Variants in FN3K observed in about 807,000 individuals in gnomAD.
The protein encoded by FN3K is fructosamine-3-kinase.
In FN3K, 24 loss-of-function variants were observed where a neutral mutation model predicts 24.8. That is an observed-to-expected ratio of 0.97 (90% CI 0.70 to 1.36). The LOEUF (loss-of-function observed/expected upper bound fraction) is 1.36. FN3K is among the 40% of genes most tolerant of loss of function. The pLI, the probability that FN3K is intolerant of heterozygous loss-of-function variation, is 0.00. For synonymous variants in FN3K, 192 were observed against 175.2 expected (o/e 1.10, Z -0.76); for missense variants, 449 against 416.7 (o/e 1.08, Z -0.67).
At chr17:82,744,968 C>G (rs972571151) in intron 4 of FN3K, 1 of 152,216 alleles carries the variant, frequency 6.6e-6, no homozygotes, top group East Asian at 1.9e-4. Context: ...GGTTTTATAC[C>G]GAGACATTCC....
chr17:82,746,539 G>A (rs990888637), intron 4 of FN3K, among the ~76,000 whole-genome samples: 8 of 152,028 alleles, frequency 5.3e-5, no homozygotes, highest in African/African-American at 1.4e-4. Flanking sequence ...GGTGGCTCGC[G>A]CCTGTAATCC....
At chr17:82,742,120 G>C (rs1233002227) in intron 4 of FN3K, among the ~76,000 whole-genome samples, 1 of 152,114 alleles carries the variant, frequency 6.6e-6, no homozygotes, top group South Asian at 2.1e-4. Context: ...GACCAGGCTG[G>C]TCTCGAACTC....
intron 1 of FN3K, among the ~76,000 whole-genome samples, chr17:82,737,549 C>T (rs1039995951): frequency 6.6e-6 from 1 of 152,152 alleles, no homozygotes; most frequent in African/African-American, 2.4e-5. Flanking sequence ...GTCTCAATCT[C>T]CTGACCTTGT....
chr17:82,740,356 T>A (rs2046934251), intron 2 of FN3K, among the ~76,000 whole-genome samples: 1 of 138,548 alleles, frequency 7.2e-6, no homozygotes, highest in Non-Finnish European at 1.5e-5. Context: ...GTGCTGGGCG[T>A]GGTGGTTCAC....
rs1568073252 is a variant in FN3K, at chr17:82,750,813, C to T, written c.*58C>T. On this transcript the variant is annotated 3_prime_UTR_variant, in exon 6 of 6. Transcript: ENST00000300784. ...CCCGTCTCCGTCTCCCCGTCCCTGT[C>T]CCCCCGTCCCCCGTCCCTGTGCCCC... 4 of 1,340,170 alleles carry T rather than the reference C, an allele frequency of 3.0e-6. No individual in the cohort carries two copies. Among genetic ancestry groups the T allele is most frequent in the Non-Finnish European group, 4.0e-6 (4 of 992,916 alleles). 83.0% of individuals were successfully genotyped at this position (1,340,170 alleles called of 1,614,324 possible).
chr17:82,750,470 C>A lies in FN3K; in HGVS notation c.645C>A (p.His215Gln). The change falls in exon 6 of 6, where the codon CAC becomes CAA. Residue 215 changes from histidine (H) to glutamine (Q), a missense_variant. By Grantham distance (24) the His-to-Gln change is conservative (BLOSUM62 0). Transcript: ENST00000300784. ...TAGAGATTGTCCCCGCGTTGCTCCACGGGGATCTCTGGTCGGGAAACGTGG... is the reference window on the plus strand; with the variant it reads ...TAGAGATTGTCCCCGCGTTGCTCCAAGGGGATCTCTGGTCGGGAAACGTGG... ...CGLEIVPALL[H>Q]GDLWSGNVAE... is the part of the protein sequence containing the mutation. The A allele has an allele frequency of 6.2e-7, 1 of 1,614,182 alleles. No homozygotes were observed. The highest frequency in any genetic ancestry group is 8.5e-7 in the Non-Finnish European group (1 of 1,180,026).
intron 1 of FN3K, among the ~76,000 whole-genome samples, chr17:82,736,907 T>G (rs1052520103): frequency 6.6e-6 from 1 of 152,178 alleles, no homozygotes; most frequent in African/African-American, 2.4e-5. Flanking sequence ...CTCTGCAGGG[T>G]GAGACCCCTC....
At position 82,741,390 on chromosome 17, in the gene FN3K, G is replaced by A. The variant is rs756986554; in HGVS notation, c.465G>A (p.Pro155=). Residue 155 remains proline, a synonymous_variant, in exon 4 of 6, where the codon CCG becomes CCA. Transcript: ENST00000300784. ...CGGTGACGTGCTGCGGCTTCATCCC[G>A]CAGGTGAGTGCCTGGGTGAGGGTGT... ...FHTVTCCGFI[P]QVNEWQDDWP... 4.0e-5 allele frequency: 64 copies of A among 1,612,578 alleles called. No homozygotes were observed. The highest frequency in any genetic ancestry group is 4.4e-5 in the South Asian group (4 of 90,750).
chr17:82,743,197 G>C (rs1200659458), intron 4 of FN3K, among the ~76,000 whole-genome samples: 1 of 152,234 alleles, frequency 6.6e-6, no homozygotes, highest in African/African-American at 2.4e-5. Context: ...GGCTGCAAGT[G>C]GCGGGCTCTA....
intron 2 of FN3K, 115 bp downstream of exon 2, chr17:82,738,755 G>A: frequency 7.5e-7 from 1 of 1,337,386 alleles, no homozygotes; most frequent in East Asian, 2.4e-5. Context: ...GAAACAGGGA[G>A]AAGCCTGTGG....
intron 4 of FN3K, among the ~76,000 whole-genome samples, chr17:82,744,654 C>T (rs1000187657): frequency 2.0e-5 from 3 of 152,018 alleles, no homozygotes; most frequent in South Asian, 2.1e-4. Flanking sequence ...AGGGAACTAG[C>T]GTTCAGCATA....
Position 82,748,910 on chromosome 17 carries a change from C to T in FN3K, c.524C>T (p.Ala175Val), listed in dbSNP as rs148878409. ...TTTTTCGCCCGGCACCGGCTCCAGG[C>T]GCAGCTGGACCTCATTGAGAAGGAC... ...PTFFARHRLQ[A>V]QLDLIEKDYA... is the part of the protein sequence containing the mutation. Residue 175 changes from alanine to valine, a missense_variant, in exon 5 of 6, where the codon GCG becomes GTG. Ala to Val is a moderately conservative substitution (Grantham distance 64). Transcript: ENST00000300784. The T allele has an allele frequency of 5.0e-5, 81 of 1,613,872 alleles. No individual in the cohort carries two copies. The highest frequency in any genetic ancestry group is 1.3e-4 in the East Asian group (6 of 44,902).
intron 1 of FN3K, among the ~76,000 whole-genome samples, chr17:82,737,080 C>T (rs1054776113): frequency 2.6e-5 from 4 of 152,084 alleles, no homozygotes; most frequent in Non-Finnish European, 4.4e-5. Flanking sequence ...GTGTGCCGGC[C>T]GCCCTCCCAC....
At chr17:82,748,319 G>T (rs1298719869) in intron 4 of FN3K, among the ~76,000 whole-genome samples, 3 of 151,858 alleles carry the variant, frequency 2.0e-5, no homozygotes, top group Non-Finnish European at 4.4e-5. Flanking sequence ...GGCTAATTTT[G>T]TATTTTTAGT....
At chr17:82,744,704 T>C (rs2046958615) in intron 4 of FN3K, among the ~76,000 whole-genome samples, 2 of 152,068 alleles carry the variant, frequency 1.3e-5, no homozygotes, top group South Asian at 2.1e-4. Flanking sequence ...TTAGTATTTA[T>C]TGATCATTCG....
intron 1 of FN3K, 147 bp from the exon 2 acceptor site, chr17:82,738,342 C>G (rs1302828309): frequency 4.6e-6 from 5 of 1,087,406 alleles, no homozygotes; most frequent in Admixed American, 2.0e-5. Context: ...ACCCTGCCCT[C>G]TGTGGTGGAC....
At position 82,748,915 on chromosome 17, in the gene FN3K, C is replaced by T. The variant is rs771415634; in HGVS notation, c.529C>T (p.Leu177=). The T allele has an allele frequency of 1.2e-6, 2 of 1,614,138 alleles. No homozygotes were observed. Among genetic ancestry groups the T allele is most frequent in the Non-Finnish European group, 1.7e-6 (2 of 1,180,038 alleles). Reference sequence around the variant, plus strand: ...CGCCCGGCACCGGCTCCAGGCGCAGCTGGACCTCATTGAGAAGGACTATGC... The same window carrying T: ...CGCCCGGCACCGGCTCCAGGCGCAGTTGGACCTCATTGAGAAGGACTATGC... The part of the protein sequence containing the change: ...FFARHRLQAQ[L]DLIEKDYADR... Residue 177 remains leucine (L), a synonymous_variant, in exon 5 of 6, where the codon CTG becomes TTG. Transcript: ENST00000300784.
rs765796294 is a variant in FN3K at position 82,750,541 on chromosome 17, A to T, written c.716A>T (p.Tyr239Phe). The T allele has an allele frequency of 2.5e-6, 4 of 1,613,974 alleles. No individual in the cohort carries two copies. In the East Asian group the frequency reaches 6.7e-5, roughly 27 times the overall value. ...GPIIYDPASFYGHSEFELAIA... is the reference protein window; with the variant it reads ...GPIIYDPASFFGHSEFELAIA... ...ATTATTTACGACCCGGCTTCCTTCT[A>T]TGGCCATTCCGAGTTTGAACTGGCA... Residue 239 changes from tyrosine to phenylalanine, a missense_variant, in exon 6 of 6, where the codon TAT becomes TTT. By Grantham distance (22) the Tyr-to-Phe change is conservative (BLOSUM62 3). Coordinates refer to ENST00000300784, the MANE Select transcript of FN3K (RefSeq NM_022158.4).
intron 2 of FN3K, among the ~76,000 whole-genome samples, chr17:82,740,420 C>CAAAAAAAAAAAAAAA (rs71369031): frequency 1.4e-5 from 1 of 73,120 alleles, no homozygotes; most frequent in African/African-American, 5.6e-5. Flanking sequence ...CCCATCTCTA[C>CAAAAAAAAAAAAAAA]AAAAAAAAAA....
Sources: allele counts gnomAD v4.1 joint callset (sites outside exome capture counted in the v4.1 genomes callset), GRCh38; gene constraint gnomAD v4.1.1; transcripts MANE v1.5; gene names NCBI Gene and HGNC (gene_info 2026-07-23, HGNC 2026-07-21).